ZFPM2: variants seen among roughly 807,000 people sequenced by gnomAD.
ZFPM2 encodes the protein zinc finger protein ZFPM2.
In ZFPM2, 20 loss-of-function variants were observed where a neutral mutation model predicts 98.6. The ratio of observed to expected loss-of-function variants is 0.20; its 90% CI spans 0.14 to 0.29. The LOEUF (loss-of-function observed/expected upper bound fraction) is 0.29. Among genes scored for constraint, ZFPM2 ranks in the 10% least tolerant of loss-of-function variants. The probability of loss-of-function intolerance (pLI) is 1.00; values close to 1 mark genes in which losing one functional copy is unlikely to be tolerated. For missense variants in ZFPM2, 1,310 were observed against 1,388.6 expected, an observed-to-expected ratio of 0.94 and a Z score of 0.90; for synonymous variants, 518 against 502.7, an observed-to-expected ratio of 1.03 and a Z score of -0.41.
At chr8:105,741,692 G>A (rs1239472681) in intron 5 of ZFPM2, among the ~76,000 whole-genome samples, 1 of 152,066 alleles carries the variant, frequency 6.6e-6, no homozygotes, top group Non-Finnish European at 1.5e-5. Flanking sequence ...AATTGGTGCT[G>A]GAGTTGGATA....
At chr8:105,712,960 T>A (rs1281047918) in intron 5 of ZFPM2, among the ~76,000 whole-genome samples, 1 of 151,944 alleles carries the variant, frequency 6.6e-6, no homozygotes, top group East Asian at 1.9e-4. Context: ...GTTGATTCTG[T>A]CCTAGTGGAA....
intron 1 of ZFPM2, among the ~76,000 whole-genome samples, chr8:105,342,846 T>C (rs1433614956): frequency 3.3e-5 from 5 of 152,036 alleles, no homozygotes; most frequent in African/African-American, 1.2e-4. Context: ...TATGACATAA[T>C]AGATCTCTAG....
At chr8:105,327,818 A>G (rs1163337088) in intron 1 of ZFPM2, among the ~76,000 whole-genome samples, 1 of 151,688 alleles carries the variant, frequency 6.6e-6, no homozygotes, top group African/African-American at 2.4e-5. Context: ...AAAGTTTTAA[A>G]TTTATTTTTT....
intron 4 of ZFPM2, among the ~76,000 whole-genome samples, chr8:105,594,737 C>T (rs772671760): frequency 6.6e-6 from 1 of 152,128 alleles, no homozygotes; most frequent in Non-Finnish European, 1.5e-5. Flanking sequence ...TACCTCCCTA[C>T]AGTTCCATTT....
chr8:105,419,624 G>A (rs575845850), intron 2 of ZFPM2, among the ~76,000 whole-genome samples: 2 of 152,056 alleles, frequency 1.3e-5, no homozygotes, highest in African/African-American at 4.8e-5. Context: ...AGAATTTATT[G>A]AATGTTAATT....
chr8:105,445,636 A>T (rs900753582), intron 3 of ZFPM2, among the ~76,000 whole-genome samples: 1 of 151,398 alleles, frequency 6.6e-6, no homozygotes, highest in East Asian at 2.0e-4. Flanking sequence ...ACAGGGTCTC[A>T]CTCTGTTGCC....
chr8:105,363,672 A>C (rs1414610026), intron 1 of ZFPM2, among the ~76,000 whole-genome samples: 1 of 152,054 alleles, frequency 6.6e-6, no homozygotes, highest in Non-Finnish European at 1.5e-5. Flanking sequence ...ATGTGCTGAC[A>C]CACTGTGGAA....
intron 4 of ZFPM2, among the ~76,000 whole-genome samples, chr8:105,622,450 A>G (rs1816571307): frequency 6.6e-6 from 1 of 152,210 alleles, no homozygotes. Context: ...ATAAAATTTC[A>G]GGTTTACAAT....
At chr8:105,343,997 G>C (rs1170507588) in intron 1 of ZFPM2, among the ~76,000 whole-genome samples, 1 of 152,042 alleles carries the variant, frequency 6.6e-6, no homozygotes, top group Non-Finnish European at 1.5e-5. Context: ...GGCAGAAGAT[G>C]AAGGAAGAGT....
At chr8:105,554,944 A>G (rs749919352) in intron 3 of ZFPM2, among the ~76,000 whole-genome samples, 105 of 152,280 alleles carry the variant, frequency 6.9e-4, no homozygotes, top group Non-Finnish European at 1.6e-4. Context: ...TAGCACTTTC[A>G]AAGAAAAAAT....
At chr8:105,408,804 C>T (rs557188763) in intron 1 of ZFPM2, among the ~76,000 whole-genome samples, 12 of 151,888 alleles carry the variant, frequency 7.9e-5, no homozygotes, top group African/African-American at 2.2e-4. Flanking sequence ...GTTCCAGGAG[C>T]AGGAGGCACA....
At chr8:105,639,325 C>T (rs1336386917) in intron 5 of ZFPM2, among the ~76,000 whole-genome samples, 1 of 151,972 alleles carries the variant, frequency 6.6e-6, no homozygotes, top group Non-Finnish European at 1.5e-5. Context: ...GGTTTAATCA[C>T]TCAGCTTCAA....
chr8:105,713,000 G>A (rs1811439679), intron 5 of ZFPM2, among the ~76,000 whole-genome samples: 2 of 151,998 alleles, frequency 1.3e-5, no homozygotes, highest in Admixed American at 1.3e-4. Flanking sequence ...AAACGTATGA[G>A]TGCAGGTGTT....
intron 4 of ZFPM2, among the ~76,000 whole-genome samples, chr8:105,593,929 C>A (rs1394486048): frequency 6.6e-6 from 1 of 152,122 alleles, no homozygotes. Context: ...TGCTCTCTGG[C>A]TCCATATGGA....
At chr8:105,781,898 T>C (rs1450114023) in intron 5 of ZFPM2, among the ~76,000 whole-genome samples, 1 of 152,182 alleles carries the variant, frequency 6.6e-6, no homozygotes, top group African/African-American at 2.4e-5. Context: ...GTGCCAATTA[T>C]TCAAACTTAG....
intron 1 of ZFPM2, 146 bp from the exon 2 acceptor site, chr8:105,418,998 A>G: frequency 3.0e-6 from 2 of 675,520 alleles, no homozygotes; most frequent in Non-Finnish European, 5.0e-6. Context: ...CGGATGTGGC[A>G]TTATCTTTTG....
At position 105,520,087 on chromosome 8, in the gene ZFPM2, G is replaced by A. The variant is rs1298289502; in HGVS notation, c.302-41276G>A. Reference sequence around the variant, plus strand: ...TGTTATTGTAGAAGACTATACCAAAGGGAACAAAAATAAAGAAAATAACTA... The same window carrying A: ...TGTTATTGTAGAAGACTATACCAAAAGGAACAAAAATAAAGAAAATAACTA... On this transcript the variant is annotated intron_variant, in intron 3 of 7. Transcript: ENST00000407775. Among the ~76,000 whole-genome samples, 7 of 151,842 alleles carry A rather than the reference G, an allele frequency of 4.6e-5. No individual in the cohort carries two copies. The East Asian group carries it at 1.4e-3, about 29-fold the overall frequency.
chr8:105,579,143 A>C (rs1815531024), intron 4 of ZFPM2, among the ~76,000 whole-genome samples: 1 of 152,024 alleles, frequency 6.6e-6, no homozygotes, highest in East Asian at 1.9e-4. Flanking sequence ...TAACGACTAT[A>C]TTTTTGTCAA....
At chr8:105,661,258 A>G (rs1208121339) in intron 5 of ZFPM2, among the ~76,000 whole-genome samples, 5 of 152,184 alleles carry the variant, frequency 3.3e-5, no homozygotes, top group African/African-American at 1.2e-4. Flanking sequence ...GTAAAAGAAA[A>G]TGAGGAAGCA....
Sources: allele counts gnomAD v4.1 joint callset (sites outside exome capture counted in the v4.1 genomes callset), GRCh38; gene constraint gnomAD v4.1.1; transcripts MANE v1.5; gene names NCBI Gene and HGNC (gene_info 2026-07-23, HGNC 2026-07-21).